The following ABI3BP variants were observed in gnomAD, a reference collection of about 807,000 sequenced individuals.
ABI3BP encodes ABI family member 3 binding protein.
In ABI3BP, 216 loss-of-function variants were observed where a neutral mutation model predicts 268.6. The observed-to-expected ratio is 0.80, with a 90% confidence interval of 0.72 to 0.90. ABI3BP has a LOEUF of 0.90. Among genes scored for constraint, ABI3BP ranks in the 40% least tolerant of loss-of-function variants. The pLI is 0.00. For synonymous variants in ABI3BP, 730 were observed against 730.0 expected, an observed-to-expected ratio of 1.00 and a Z score of 0.00; for missense variants, 2,090 against 2,182.4, an observed-to-expected ratio of 0.96 and a Z score of 0.84.
At position 100,848,782 on chromosome 3, in the gene ABI3BP, A is replaced by G. The variant is rs781709484; in HGVS notation, c.1576+19T>C. 3 of 1,602,618 alleles carry G rather than the reference A, an allele frequency of 1.9e-6. No homozygotes were observed. Among genetic ancestry groups the G allele is most frequent in the Admixed American group, 1.7e-5 (1 of 59,964 alleles). ...TCTATCTGGAATTACATATCATGTA[A>G]ATATAAAGAGACATTTACCAGGTTT... is the stretch of plus-strand genomic sequence containing the variant. On this transcript the variant is annotated intron_variant, in intron 18 of 67. Transcript: ENST00000471714.
At chr3:100,903,103 G>T (rs185780365) in intron 2 of ABI3BP, among the ~76,000 whole-genome samples, 4 of 152,282 alleles carry the variant, frequency 2.6e-5, no homozygotes, top group South Asian at 2.1e-4. Context: ...GGCCTCACCT[G>T]TATGAGCTAA....
At chr3:100,766,075 C>T (rs1188292022) in intron 62 of ABI3BP, 126 bp from the exon 63 acceptor site, 2 of 661,050 alleles carry the variant, frequency 3.0e-6, no homozygotes, top group Non-Finnish European at 5.2e-6. Context: ...GTTCTAGAGA[C>T]ATATTGATCT....
At chr3:100,753,064 A>G in intron 65 of ABI3BP, 116 bp from the exon 66 acceptor site, 1 of 874,976 alleles carries the variant, frequency 1.1e-6, no homozygotes, top group East Asian at 2.6e-5. Flanking sequence ...CATGCTAAAT[A>G]CTGGAGCCAA....
At chr3:100,973,540 A>T (rs992737704) in intron 1 of ABI3BP, among the ~76,000 whole-genome samples, 7 of 152,218 alleles carry the variant, frequency 4.6e-5, no homozygotes, top group African/African-American at 1.7e-4. Flanking sequence ...AAAACAGAGG[A>T]GTTTTGTTTC....
chr3:100,890,706 T>TA, intron 4 of ABI3BP, among the ~76,000 whole-genome samples: 1 of 152,290 alleles, frequency 6.6e-6, no homozygotes, highest in South Asian at 2.1e-4. Flanking sequence ...TTTATTATAG[T>TA]AAAACCTTAT....
At position 100,823,462 on chromosome 3, in the gene ABI3BP, T is replaced by C. The variant is rs990922745; in HGVS notation, c.2799A>G (p.Thr933=). The C allele has an allele frequency of 1.3e-6, 2 of 1,532,022 alleles. No homozygotes were observed. The highest frequency in any genetic ancestry group is 8.7e-7 in the Non-Finnish European group (1 of 1,144,268). The allele number at this position is 1,532,022 out of a possible 1,614,324, so 94.9% of individuals were successfully genotyped here. Reference sequence around the variant, plus strand: ...AAAACACTGTATCAACGTTACCTAATGTTGTTGAGGCCTCAGGTCTAAGAG... The same window carrying C: ...AAAACACTGTATCAACGTTACCTAACGTTGTTGAGGCCTCAGGTCTAAGAG... The part of the protein sequence containing the change: ...PVTLRPEAST[T]LASKTSQRTR... Residue 933 remains threonine (T), a synonymous_variant, in exon 37 of 68, where the codon ACA becomes ACG. Coordinates refer to ENST00000471714, the MANE Select transcript of ABI3BP (RefSeq NM_001375547.2).
In ABI3BP at chr3:100,862,819, T is replaced by C; in HGVS notation, c.1210+19A>G. 2 of 1,502,000 alleles carry C rather than the reference T, an allele frequency of 1.3e-6. No individual in the cohort carries two copies. The highest frequency in any genetic ancestry group is 1.8e-6 in the Non-Finnish European group (2 of 1,117,916). 93.0% of individuals were successfully genotyped at this position (1,502,000 alleles called of 1,614,324 possible). On this transcript the variant is annotated intron_variant, in intron 13 of 67. Transcript: ENST00000471714. ...CACCACCCACAGCCTTAATATTAAA[T>C]TTAAGGTACTCTTATTACCCAATGT...
intron 3 of ABI3BP, among the ~76,000 whole-genome samples, chr3:100,901,769 GAAA>G (rs1194027727): frequency 2.8e-5 from 3 of 108,650 alleles, no homozygotes; most frequent in Non-Finnish European, 2.0e-5. Context: ...CCGTCTCAAA[GAAA>G]AAAAAAAAAA....
chr3:100,859,977 C>T (rs547753779), intron 14 of ABI3BP, among the ~76,000 whole-genome samples: 6 of 152,310 alleles, frequency 3.9e-5, no homozygotes, highest in Non-Finnish European at 8.8e-5. Flanking sequence ...GAGGCTGAGG[C>T]AGGAGAATCG....
intron 1 of ABI3BP, among the ~76,000 whole-genome samples, chr3:100,988,477 C>A (rs371198755): frequency 2.0e-5 from 3 of 152,204 alleles, no homozygotes; most frequent in East Asian, 3.9e-4. Flanking sequence ...GGGCTCTGGG[C>A]CAGCAGCTAC....
At chr3:100,754,748 A>T in intron 63 of ABI3BP, 57 bp from the exon 64 acceptor site, 3 of 1,383,394 alleles carry the variant, frequency 2.2e-6, no homozygotes, top group Non-Finnish European at 3.0e-6. Context: ...CTAGGAGGCA[A>T]CATTGCCCTA....
intron 1 of ABI3BP, among the ~76,000 whole-genome samples, chr3:100,927,102 G>A (rs1197625056): frequency 6.6e-6 from 1 of 152,102 alleles, no homozygotes; most frequent in African/African-American, 2.4e-5. Context: ...ACTCAGGATG[G>A]GGGTCGAGAC....
chr3:100,763,392 G>A (rs187253115), intron 63 of ABI3BP, among the ~76,000 whole-genome samples: 30 of 150,144 alleles, frequency 2.0e-4, no homozygotes, highest in Admixed American at 2.6e-4. Flanking sequence ...GAACCCTGGA[G>A]GCAGAGGTTG....
At chr3:100,778,868 G>A (rs572967369) in intron 58 of ABI3BP, among the ~76,000 whole-genome samples, 47 of 152,270 alleles carry the variant, frequency 3.1e-4, no homozygotes, top group South Asian at 2.3e-3. Context: ...TCAGATTTTA[G>A]TATCTGAGGA....
intron 49 of ABI3BP, among the ~76,000 whole-genome samples, chr3:100,809,239 TC>T (rs1254641103): frequency 2.0e-5 from 3 of 152,010 alleles, no homozygotes; most frequent in Non-Finnish European, 4.4e-5. Flanking sequence ...GGTCTCAGTT[TC>T]TTCATCAGAA....
chr3:100,920,218 AC>A (rs1302113250), intron 2 of ABI3BP, among the ~76,000 whole-genome samples: 1 of 152,140 alleles, frequency 6.6e-6, no homozygotes, highest in Non-Finnish European at 1.5e-5. Flanking sequence ...TGCCACTTAG[AC>A]CAGGCTTTTT....
intron 1 of ABI3BP, among the ~76,000 whole-genome samples, chr3:100,942,099 T>C (rs2069571158): frequency 1.3e-5 from 2 of 152,178 alleles, no homozygotes; most frequent in South Asian, 4.1e-4. Flanking sequence ...ATCTGCTTTT[T>C]ATTTTATTCC....
intron 1 of ABI3BP, among the ~76,000 whole-genome samples, chr3:100,958,264 GTT>G (rs1342253129): frequency 2.4e-4 from 37 of 152,298 alleles, no homozygotes; most frequent in African/African-American, 8.7e-4. Flanking sequence ...AAAACAGTAA[GTT>G]GACTAAGAAA....
intron 20 of ABI3BP, among the ~76,000 whole-genome samples, chr3:100,843,215 C>A (rs1023036356): frequency 6.6e-6 from 1 of 152,102 alleles, no homozygotes; most frequent in Admixed American, 6.5e-5. Context: ...TATCTGTGAT[C>A]AAAAAATTTT....
Sources: gnomAD v4.1 joint callset for allele counts (sites outside exome capture counted in the v4.1 genomes callset) on GRCh38, gnomAD v4.1.1 for gene constraint, MANE v1.5 for transcripts, NCBI Gene and HGNC (gene_info 2026-07-23, HGNC 2026-07-21) for gene names.